RPS15: variants seen among roughly 807,000 people sequenced by gnomAD.
RPS15 encodes small ribosomal subunit protein uS19.
RPS15 carries 5 observed loss-of-function variants against 14.9 expected under a neutral mutation model. That is an observed-to-expected ratio of 0.34 (90% CI 0.18 to 0.70). The LOEUF (loss-of-function observed/expected upper bound fraction) is 0.70, where lower values mean the gene tolerates loss of function less well. RPS15 is among the 30% of genes least tolerant of loss of function. The pLI is 0.65. For synonymous variants in RPS15, 103 were observed against 85.0 expected (o/e 1.21, Z -1.16); for missense variants, 102 against 204.2 (o/e 0.50, Z 3.05).
At chr19:1,439,803 C>G (rs376196996) in intron 2 of RPS15, 53 of 630,190 alleles carry the variant, frequency 8.4e-5, no homozygotes, top group African/African-American at 8.1e-4. Context: ...TCTGCAGTCA[C>G]ACGGTGGCTC....
At chr19:1,439,078 A>G (rs1226242481) in intron 2 of RPS15, 186 bp downstream of exon 2, 1 of 564,802 alleles carries the variant, frequency 1.8e-6, no homozygotes. Flanking sequence ...GTTTTTGCTT[A>G]TTTGCAACCT....
intron 2 of RPS15, 163 bp downstream of exon 2, chr19:1,439,055 C>T: frequency 4.9e-6 from 3 of 612,724 alleles, no homozygotes; most frequent in Non-Finnish European, 8.3e-6. Flanking sequence ...GAAAACTGTC[C>T]AGAGACGTTG....
intron 2 of RPS15, 139 bp downstream of exon 2, chr19:1,439,031 T>A: frequency 1.4e-6 from 1 of 693,590 alleles, no homozygotes; most frequent in South Asian, 2.0e-5. Context: ...GAACTGAGTG[T>A]GGTCTTGCGC....
chr19:1,439,968 G>T, intron 2 of RPS15, 51 bp from the exon 3 acceptor site: 1 of 1,439,066 alleles, frequency 6.9e-7, no homozygotes. Context: ...GAGTGCGTAG[G>T]GTCTCCCCAG....
rs2083640283 is a variant in RPS15, at chr19:1,440,000, CCTGGT to C, written c.90-18_90-14del. The C allele has an allele frequency of 6.5e-7, 1 of 1,541,936 alleles. No individual in the cohort carries two copies. Among genetic ancestry groups the C allele is most frequent in the Non-Finnish European group, 8.7e-7 (1 of 1,144,322 alleles). On this transcript the variant is annotated splice_polypyrimidine_tract_variant and intron_variant, in intron 2 of 3. Transcript: ENST00000592588. ...CCAGGCCGGGCCGCTCACAAAACTG[CCTGGT>C]GCATCCTCCCCAGCGAGCAGCTGAT... is the stretch of plus-strand genomic sequence containing the variant.
At position 1,438,440 on chromosome 19, in the gene RPS15, G is replaced by A. The variant is rs566529595; in HGVS notation, c.3+12G>A. On this transcript the variant is annotated intron_variant, in intron 1 of 3. Transcript: ENST00000592588. The surrounding 1 kb of genome is among the most constrained non-coding windows in gnomAD (Gnocchi z 4.8). ...GATCCGGCAAGATGGTGAGTGTTGC[G>A]ATTTGGCGCGTCTCTGCCGGGCCTA... is the stretch of plus-strand genomic sequence containing the variant. 1.2e-6 allele frequency: 2 copies of A among 1,613,426 alleles called. No individual in the cohort carries two copies.
chr19:1,439,658 G>C, intron 2 of RPS15: 1 of 555,916 alleles, frequency 1.8e-6, no homozygotes, highest in Non-Finnish European at 3.2e-6. Context: ...ACCTCCCGAA[G>C]TGCTGGGATC....
At position 1,438,584 on chromosome 19, in the gene RPS15, G is replaced by T. The variant is rs1452413762; in HGVS notation, c.3+156G>T. ...GTTGGGGCGAGGGGCGGACTTGGTG[G>T]GTGTCGGGACGACGCGGGGCTGGGA... is the stretch of plus-strand genomic sequence containing the variant. On this transcript the variant is annotated intron_variant, in intron 1 of 3. Transcript: ENST00000592588. The surrounding 1 kb of genome is among the most constrained non-coding windows in gnomAD (Gnocchi z 4.8). The T allele has an allele frequency of 6.4e-7, 1 of 1,553,310 alleles. No homozygotes were observed. Among genetic ancestry groups the T allele is most frequent in the East Asian group, 2.4e-5 (1 of 41,050 alleles).
At position 1,438,955 on chromosome 19, in the gene RPS15, G is replaced by A; in HGVS notation, c.89+63G>A. ...CCAGCGGTGGGGCTTGTCCGGGTGA[G>A]GGCGGCGGGGCGGGGGTCCAAGCGC... On this transcript the variant is annotated intron_variant, in intron 2 of 3. Transcript: ENST00000592588. This position sits in a 1 kb window ranked among gnomAD's most constrained non-coding sequence, Gnocchi z 4.8. The A allele has an allele frequency of 7.0e-7, 1 of 1,420,928 alleles. No individual in the cohort carries two copies. Among genetic ancestry groups the A allele is most frequent in the Non-Finnish European group, 9.7e-7 (1 of 1,034,848 alleles). The allele number at this position is 1,420,928 out of a possible 1,614,324, so 88.0% of individuals were successfully genotyped here.
intron 2 of RPS15, 37 bp from the exon 3 acceptor site, chr19:1,439,982 G>C (rs967573755): frequency 1.3e-6 from 2 of 1,512,516 alleles, no homozygotes; most frequent in Admixed American, 2.0e-5. Context: ...TCCCCAGGCC[G>C]GGCCGCTCAC....
In RPS15 at chr19:1,438,667, C is replaced by G; in HGVS notation, c.4-140C>G. The G allele has an allele frequency of 6.5e-7, 1 of 1,531,894 alleles. No homozygotes were observed. The highest frequency in any genetic ancestry group is 8.8e-7 in the Non-Finnish European group (1 of 1,133,354). The allele number at this position is 1,531,894 out of a possible 1,614,324, so 94.9% of individuals were successfully genotyped here. On this transcript the variant is annotated intron_variant, in intron 1 of 3. Transcript: ENST00000592588. This position sits in a 1 kb window ranked among gnomAD's most constrained non-coding sequence, Gnocchi z 4.8. Reference sequence around the variant, plus strand: ...GTAACCCGGAGCCGCGAGTGATCCCCGGGGACGGGTCGAAGCGGTGTGTCC... The same window carrying G: ...GTAACCCGGAGCCGCGAGTGATCCCGGGGGACGGGTCGAAGCGGTGTGTCC...
At chr19:1,440,316 C>G (rs372356339) in intron 3 of RPS15, 33 bp from the exon 4 acceptor site, 9 of 1,610,566 alleles carry the variant, frequency 5.6e-6, no homozygotes, top group East Asian at 2.2e-5. Flanking sequence ...GCGGGATCAG[C>G]TGACACCCAG....
intron 2 of RPS15, chr19:1,439,813 C>T: frequency 1.6e-6 from 1 of 631,074 alleles, no homozygotes; most frequent in Non-Finnish European, 2.9e-6. Context: ...CACGGTGGCT[C>T]TTGCATGTGA....
Position 1,438,410 on chromosome 19 carries a change from C to T in RPS15, c.-16C>T, listed in dbSNP as rs1289479607. 4 of 1,613,334 alleles carry T rather than the reference C, an allele frequency of 2.5e-6. No homozygotes were observed. The highest frequency in any genetic ancestry group is 1.7e-5 in the Admixed American group (1 of 60,002). ...CAGGCGCGGACCAAAGCGATCTCTT[C>T]TGAGGATCCGGCAAGATGGTGAGTG... On this transcript the variant is annotated 5_prime_UTR_variant, in exon 1 of 4. Transcript: ENST00000592588. This position sits in a 1 kb window ranked among gnomAD's most constrained non-coding sequence, Gnocchi z 4.8.
Position 1,438,796 on chromosome 19 carries a change from CG to C in RPS15, c.4-10del. ...CGGGATCCCGCTGACGCCCGATCCG[CG>C]CCCGCACAGGCAGAAGTAGAGCAGA... On this transcript the variant is annotated splice_polypyrimidine_tract_variant and intron_variant, in intron 1 of 3. Transcript: ENST00000592588. This position sits in a 1 kb window ranked among gnomAD's most constrained non-coding sequence, Gnocchi z 4.8. 6 of 1,585,470 alleles carry C rather than the reference CG, an allele frequency of 3.8e-6. No individual in the cohort carries two copies. Among genetic ancestry groups the C allele is most frequent in the Non-Finnish European group, 4.3e-6 (5 of 1,166,556 alleles).
At chr19:1,439,939 C>G (rs2144990330) in intron 2 of RPS15, 80 bp from the exon 3 acceptor site, 1 of 1,187,198 alleles carries the variant, frequency 8.4e-7, no homozygotes, top group Non-Finnish European at 1.2e-6. Context: ...AGAACCAAGC[C>G]TTAGTTCTCT....
chr19:1,439,424 G>C (rs2083635471), intron 2 of RPS15: 1 of 176,420 alleles, frequency 5.7e-6, no homozygotes, highest in African/African-American at 2.4e-5. Flanking sequence ...CACCACGTCC[G>C]GCTAATTTTT....
In RPS15 at chr19:1,438,956, GGCGGCGGGGCGGGGGTCCAAGCGCCTCT is replaced by G. The variant is rs1296861314; in HGVS notation, c.89+72_89+99del. 2.1e-6 allele frequency: 3 copies of G among 1,422,808 alleles called. No individual in the cohort carries two copies. The highest frequency in any genetic ancestry group is 1.4e-5 in the African/African-American group (1 of 69,484). The allele number at this position is 1,422,808 out of a possible 1,614,324, so 88.1% of individuals were successfully genotyped here. ...CAGCGGTGGGGCTTGTCCGGGTGAG[GGCGGCGGGGCGGGGGTCCAAGCGCCTCT>G]GCGGCGGTGGGCGGGCACGGTCTCC... On this transcript the variant is annotated intron_variant, in intron 2 of 3. Coordinates refer to ENST00000592588, the MANE Select transcript of RPS15 (RefSeq NM_001018.5). The surrounding 1 kb of genome is among the most constrained non-coding windows in gnomAD (Gnocchi z 4.8).
Position 1,440,001 on chromosome 19 carries a change from C to A in RPS15, c.90-18C>A. 6.5e-7 allele frequency: 1 copy of A among 1,543,104 alleles called. No individual in the cohort carries two copies. The highest frequency in any genetic ancestry group is 1.4e-5 in the African/African-American group (1 of 73,140). ...CAGGCCGGGCCGCTCACAAAACTGCCTGGTGCATCCTCCCCAGCGAGCAGC... is the reference window on the plus strand; with the variant it reads ...CAGGCCGGGCCGCTCACAAAACTGCATGGTGCATCCTCCCCAGCGAGCAGC... On this transcript the variant is annotated intron_variant, in intron 2 of 3. Coordinates refer to ENST00000592588, the MANE Select transcript of RPS15 (RefSeq NM_001018.5).
Sources: allele counts gnomAD v4.1 joint callset, GRCh38; gene constraint gnomAD v4.1.1; non-coding constraint Gnocchi (gnomAD v3.1); transcripts MANE v1.5; gene names NCBI Gene and HGNC (gene_info 2026-07-23, HGNC 2026-07-21).